Variants in PREX1 observed in about 807,000 individuals in gnomAD.
PREX1 encodes the protein phosphatidylinositol 3,4,5-trisphosphate-dependent Rac exchanger 1 protein.
A neutral mutation model predicts 198.3 loss-of-function variants in PREX1; 41 were observed. The ratio of observed to expected loss-of-function variants is 0.21; its 90% CI spans 0.16 to 0.27. The LOEUF is 0.27. Among genes scored for constraint, PREX1 ranks in the 10% least tolerant of loss-of-function variants. PREX1 has a pLI of 1.00. For missense variants in PREX1, 1,620 were observed against 2,200.7 expected (o/e 0.74, Z 5.28); for synonymous variants, 843 against 887.2 (o/e 0.95, Z 0.89).
chr20:48,651,066 G>T lies in PREX1; in HGVS notation c.2656-11C>A. 6 of 1,613,608 alleles carry T rather than the reference G, an allele frequency of 3.7e-6. No individual in the cohort carries two copies. The highest frequency in any genetic ancestry group is 4.2e-6 in the Non-Finnish European group (5 of 1,179,858). ...AAAGGCCTCGAGGATCTGCAGAAAT[G>T]TCAACAGCTACTGAGCATTCCCTGT... is the stretch of plus-strand genomic sequence containing the variant. On this transcript the variant is annotated splice_polypyrimidine_tract_variant and intron_variant, in intron 22 of 39. Coordinates refer to ENST00000371941, the MANE Select transcript of PREX1 (RefSeq NM_020820.4).
At chr20:48,866,402 T>C in the PREX1 span, among the ~76,000 whole-genome samples, 4 of 152,056 alleles carry the variant, frequency 2.6e-5, no homozygotes, top group African/African-American at 7.2e-5. Flanking sequence ...TCTGGGAAAC[T>C]GTTAGAAATG....
chr20:48,801,869 C>G (rs897624783), intron 1 of PREX1, among the ~76,000 whole-genome samples: 1 of 152,138 alleles, frequency 6.6e-6, no homozygotes, highest in Admixed American at 6.5e-5. Context: ...TCTGGGGAGT[C>G]TGGATTAGTT....
intron 3 of PREX1, among the ~76,000 whole-genome samples, chr20:48,740,309 C>A (rs963345842): frequency 6.6e-6 from 1 of 152,234 alleles, no homozygotes; most frequent in Admixed American, 6.5e-5. Context: ...GACAGAGACA[C>A]CCCTTACCCC....
the PREX1 span, among the ~76,000 whole-genome samples, chr20:48,856,885 G>T: frequency 6.6e-6 from 1 of 152,288 alleles, no homozygotes; most frequent in East Asian, 1.9e-4. Context: ...TATCACCCAG[G>T]TTGGAATGCA....
At chr20:48,746,778 AT>A (rs1211680127) in intron 2 of PREX1, among the ~76,000 whole-genome samples, 4 of 152,206 alleles carry the variant, frequency 2.6e-5, no homozygotes, top group Non-Finnish European at 4.4e-5. Flanking sequence ...GTAATTTTTT[AT>A]AAACTGTAAT....
chr20:48,795,562 A>G (rs2064505551), intron 1 of PREX1, among the ~76,000 whole-genome samples: 2 of 152,210 alleles, frequency 1.3e-5, no homozygotes, highest in African/African-American at 4.8e-5. Context: ...CCCCCACAAC[A>G]AAGCCCCAAA....
At chr20:48,884,103 C>T in the PREX1 span, among the ~76,000 whole-genome samples, 1 of 149,216 alleles carries the variant, frequency 6.7e-6, no homozygotes. Flanking sequence ...ATCACCACTG[C>T]ACTCCAGCCT....
At chr20:48,811,481 G>A (rs1011149732) in intron 1 of PREX1, among the ~76,000 whole-genome samples, 5 of 151,872 alleles carry the variant, frequency 3.3e-5, no homozygotes, top group Non-Finnish European at 7.4e-5. Context: ...ACAAGGCCTG[G>A]CCCACAGCAA....
chr20:48,700,970 C>T, intron 6 of PREX1, 84 bp from the exon 7 acceptor site: 1 of 1,575,030 alleles, frequency 6.3e-7, no homozygotes, highest in Non-Finnish European at 8.7e-7. Flanking sequence ...ACTACCACCT[C>T]CTGCCACATG....
intron 1 of PREX1, among the ~76,000 whole-genome samples, chr20:48,796,305 T>TA (rs869122867): frequency 1.5e-3 from 196 of 134,098 alleles, no homozygotes; most frequent in Admixed American, 2.3e-3. Context: ...TAATAATAAT[T>TA]AAAAAAAAAA....
the PREX1 span, among the ~76,000 whole-genome samples, chr20:48,867,753 C>T: frequency 6.6e-6 from 1 of 152,018 alleles, no homozygotes; most frequent in Non-Finnish European, 1.5e-5. Context: ...CAAGATTGTG[C>T]CACTGCACTC....
At chr20:48,837,904 AACT>A in the PREX1 span, among the ~76,000 whole-genome samples, 1 of 152,178 alleles carries the variant, frequency 6.6e-6, no homozygotes, top group South Asian at 2.1e-4. Flanking sequence ...GCAGAGAAAG[AACT>A]ACTTACAACT....
chr20:48,719,320 C>T (rs978628938), intron 5 of PREX1, among the ~76,000 whole-genome samples: 2 of 152,206 alleles, frequency 1.3e-5, no homozygotes, highest in African/African-American at 2.4e-5. Flanking sequence ...CCCCAACTCC[C>T]CAACAAGGGG....
At chr20:48,782,834 C>T (rs1050794021) in intron 1 of PREX1, among the ~76,000 whole-genome samples, 6 of 152,106 alleles carry the variant, frequency 3.9e-5, no homozygotes, top group African/African-American at 1.4e-4. Flanking sequence ...GATGAGGAGT[C>T]CCAGGAGGGG....
chr20:48,721,302 G>A (rs12106159), intron 5 of PREX1, among the ~76,000 whole-genome samples: 40,078 of 152,104 alleles, frequency 0.26, 6,669 homozygotes, highest in African/African-American at 0.47. Context: ...GTGAGCCAGC[G>A]AGCAGTGCTA....
At chr20:48,765,185 T>C (rs959495113) in intron 1 of PREX1, among the ~76,000 whole-genome samples, 3 of 152,266 alleles carry the variant, frequency 2.0e-5, no homozygotes, top group Non-Finnish European at 4.4e-5. Flanking sequence ...TTATGATTAC[T>C]ACAAAACAGA....
chr20:48,808,191 C>T (rs941887527), intron 1 of PREX1, among the ~76,000 whole-genome samples: 2 of 152,156 alleles, frequency 1.3e-5, no homozygotes, highest in African/African-American at 4.8e-5. Flanking sequence ...CAGGCACAGG[C>T]ACCGTGGGCA....
At chr20:48,867,069 A>T in the PREX1 span, among the ~76,000 whole-genome samples, 4 of 152,194 alleles carry the variant, frequency 2.6e-5, no homozygotes, top group Admixed American at 2.6e-4. Flanking sequence ...TAAGGAAGGA[A>T]GAAAAGGGAA....
chr20:48,712,397 T>C (rs552346894), intron 5 of PREX1, among the ~76,000 whole-genome samples: 6 of 152,176 alleles, frequency 3.9e-5, no homozygotes, highest in African/African-American at 1.2e-4. Flanking sequence ...CCCCAACAAA[T>C]AGGAAGCTCT....
Sources: allele counts gnomAD v4.1 joint callset (sites outside exome capture counted in the v4.1 genomes callset), GRCh38; gene constraint gnomAD v4.1.1; transcripts MANE v1.5; gene names NCBI Gene and HGNC (gene_info 2026-07-23, HGNC 2026-07-21).